Variants in PREX1 observed in about 807,000 individuals in gnomAD.
PREX1 encodes the protein phosphatidylinositol 3,4,5-trisphosphate-dependent Rac exchanger 1 protein.
In PREX1, 41 loss-of-function variants were observed where a neutral mutation model predicts 198.3. That is an observed-to-expected ratio of 0.21 (90% CI 0.16 to 0.27). PREX1 has a LOEUF of 0.27. Ranked by LOEUF, PREX1 falls within the 10% of genes least tolerant of loss-of-function variation. The pLI, the probability that PREX1 is intolerant of heterozygous loss-of-function variation, is 1.00. For missense variants in PREX1, 1,620 were observed against 2,200.7 expected, an observed-to-expected ratio of 0.74 and a Z score of 5.28; for synonymous variants, 843 against 887.2, an observed-to-expected ratio of 0.95 and a Z score of 0.89.
intron 33 of PREX1, among the ~76,000 whole-genome samples, chr20:48,633,243 T>C (rs950431288): frequency 6.6e-6 from 1 of 152,180 alleles, no homozygotes; most frequent in Non-Finnish European, 1.5e-5. Context: ...GAACCTGCCC[T>C]TCATCTAGAC....
chr20:48,664,799 G>A (rs1363806860), intron 15 of PREX1, among the ~76,000 whole-genome samples: 3 of 150,842 alleles, frequency 2.0e-5, no homozygotes, highest in African/African-American at 2.4e-5. Context: ...GGCTCCAGAC[G>A]GCCTGAATTC....
At chr20:48,887,988 A>C in the PREX1 span, among the ~76,000 whole-genome samples, 16 of 152,178 alleles carry the variant, frequency 1.1e-4, no homozygotes, top group Admixed American at 3.9e-4. Flanking sequence ...TAAATAATAA[A>C]ATGCTGGTAT....
chr20:48,745,073 G>A lies in PREX1; in HGVS notation c.366C>T (p.His122=), dbSNP rs55952330. 0.04 allele frequency: 65,067 copies of A among 1,614,044 alleles called. 1,588 individuals carry two copies. Among genetic ancestry groups the A allele is most frequent in the Non-Finnish European group, 0.043 (50,831 of 1,179,946 alleles). Residue 122 remains histidine (H), a synonymous_variant, in exon 3 of 40, where the codon CAC becomes CAT. Coordinates refer to ENST00000371941, the MANE Select transcript of PREX1 (RefSeq NM_020820.4). The stretch of plus-strand genomic sequence containing the variant: ...GTTCATGCTGAGACTGCGGCTCCGG[G>A]TGTAAACAATACTCCAAGGCGGCCA... ...DFLAALEYCL[H]PEPQSQHELG... is the part of the protein sequence containing the mutation.
chr20:48,822,311 T>C, intron 1 of PREX1, among the ~76,000 whole-genome samples: 1 of 152,218 alleles, frequency 6.6e-6, no homozygotes, highest in East Asian at 1.9e-4. Flanking sequence ...ATTTTGCTCA[T>C]GAACACAGCC....
chr20:48,640,315 C>T (rs1454845290), intron 29 of PREX1, among the ~76,000 whole-genome samples: 4 of 152,206 alleles, frequency 2.6e-5, no homozygotes, highest in Non-Finnish European at 4.4e-5. Flanking sequence ...AGGAAGCCCA[C>T]ACACAGAGTG....
chr20:48,744,268 G>A (rs1389904450), intron 3 of PREX1, among the ~76,000 whole-genome samples: 1 of 152,138 alleles, frequency 6.6e-6, no homozygotes, highest in African/African-American at 2.4e-5. Flanking sequence ...CAGCTGAGAA[G>A]CTCTGCTCTA....
rs1401981439 is a variant in PREX1 at position 48,624,790 on chromosome 20, T to C, written c.*1095A>G. On this transcript the variant is annotated 3_prime_UTR_variant, in exon 40 of 40. Coordinates refer to ENST00000371941, the MANE Select transcript of PREX1 (RefSeq NM_020820.4). Reference sequence around the variant, plus strand: ...AAATCACAGAAGCCACCGCCCGGTGTTTCCCAGTGACCCTCTAACCCGTGT... The same window carrying C: ...AAATCACAGAAGCCACCGCCCGGTGCTTCCCAGTGACCCTCTAACCCGTGT... 6.6e-6 allele frequency: 1 copy of C among 152,272 alleles called. No individual in the cohort carries two copies. The highest frequency in any genetic ancestry group is 1.9e-4 in the East Asian group (1 of 5,188). 9.4% of individuals were successfully genotyped at this position (152,272 alleles called of 1,614,324 possible). A position where few individuals can be genotyped will look rare whatever the true frequency, so the allele number is the denominator to read the frequency against.
rs145684419 is a variant in PREX1 at position 48,730,567 on chromosome 20, A to T, written c.519+3979T>A. ...GGGGCCATGACTGGGAATGGGCAAG[A>T]GGGAACCTTCTGGAGTGATGGGAAT... On this transcript the variant is annotated intron_variant, in intron 4 of 39. Coordinates refer to ENST00000371941, the MANE Select transcript of PREX1 (RefSeq NM_020820.4). 5.2e-3 allele frequency among the ~76,000 whole-genome samples: 788 copies of T among 152,132 alleles called. 5 individuals carry two copies. The highest frequency in any genetic ancestry group is 0.01 in the Middle Eastern group (3 of 294).
rs545109922 is a variant in PREX1, at chr20:48,791,460, G to A, written c.219+36182C>T. Among the ~76,000 whole-genome samples, 17 of 152,302 alleles carry A rather than the reference G, an allele frequency of 1.1e-4. No individual in the cohort carries two copies. In the South Asian group the frequency reaches 3.5e-3, roughly 32 times the overall value. ...TGCCCCAAGGTCACCCTGCTGGTGA[G>A]GGGTAAAGTCAAGGACTACAGAATA... is the stretch of plus-strand genomic sequence containing the variant. On this transcript the variant is annotated intron_variant, in intron 1 of 39. Coordinates refer to ENST00000371941, the MANE Select transcript of PREX1 (RefSeq NM_020820.4).
At chr20:48,644,607 T>C (rs1483596049) in intron 26 of PREX1, 110 bp from the exon 27 acceptor site, 2 of 956,318 alleles carry the variant, frequency 2.1e-6, no homozygotes, top group East Asian at 2.7e-5. Context: ...GGCCCTCAGG[T>C]GGGCGTGCAG....
At chr20:48,687,319 C>A (rs2089791152) in intron 10 of PREX1, among the ~76,000 whole-genome samples, 1 of 152,238 alleles carries the variant, frequency 6.6e-6, no homozygotes, top group African/African-American at 2.4e-5. Flanking sequence ...CGGCCCCCTG[C>A]AGCCTGCTCC....
Position 48,693,337 on chromosome 20 carries a change from A to G in PREX1, c.918-547T>C, listed in dbSNP as rs184814132. On this transcript the variant is annotated intron_variant, in intron 7 of 39. Transcript: ENST00000371941. ...AAATTCATGTTATATCCTAACCCCC[A>G]AGGTAATGGTATTAGGAGGTAGGGC... Among the ~76,000 whole-genome samples, 25 of 152,284 alleles carry G rather than the reference A, an allele frequency of 1.6e-4. No individual in the cohort carries two copies. In the East Asian group the frequency reaches 4.6e-3, roughly 28 times the overall value.
chr20:48,639,914 T>A lies in PREX1; in HGVS notation c.3776-20A>T. 1 of 1,613,172 alleles carries A rather than the reference T, an allele frequency of 6.2e-7. No individual in the cohort carries two copies. Among genetic ancestry groups the A allele is most frequent in the South Asian group, 1.1e-5 (1 of 91,034 alleles). ...TAAACTCTGGGGCAGGAAAGTGGCA[T>A]GAGGGCCAGGGAAGGGACGGAGGTA... is the stretch of plus-strand genomic sequence containing the variant. On this transcript the variant is annotated intron_variant, in intron 29 of 39. Transcript: ENST00000371941.
chr20:48,872,027 C>T, the PREX1 span, among the ~76,000 whole-genome samples: 5 of 151,824 alleles, frequency 3.3e-5, no homozygotes, highest in South Asian at 4.2e-4. Flanking sequence ...GGCGTGGTGG[C>T]GGGCACCTGT....
the PREX1 span, among the ~76,000 whole-genome samples, chr20:48,840,394 C>T: frequency 6.6e-6 from 1 of 151,620 alleles, no homozygotes; most frequent in African/African-American, 2.4e-5. Flanking sequence ...TTTCCTAGTG[C>T]TAGACACTGT....
intron 1 of PREX1, among the ~76,000 whole-genome samples, chr20:48,819,668 A>C (rs1286212282): frequency 3.3e-5 from 5 of 152,214 alleles, no homozygotes; most frequent in Admixed American, 6.5e-5. Flanking sequence ...CAGTACCTGG[A>C]ACAGAGCAAG....
At chr20:48,634,830 T>C in intron 32 of PREX1, 55 bp from the exon 33 acceptor site, 2 of 1,510,842 alleles carry the variant, frequency 1.3e-6, no homozygotes, top group East Asian at 4.6e-5. Flanking sequence ...GCCCCAGGGT[T>C]TCCTATCAAG....
At chr20:48,767,757 C>T (rs1601123653) in intron 1 of PREX1, among the ~76,000 whole-genome samples, 1 of 151,996 alleles carries the variant, frequency 6.6e-6, no homozygotes, top group South Asian at 2.1e-4. Flanking sequence ...CAGGCTTTTT[C>T]TTACCTCAGG....
rs537297748 is a variant in PREX1 at position 48,682,450 on chromosome 20, T to A, written c.1335-1115A>T. ...TATTGGCCATCTCCCCCAACCAGAATGTAATGACATGAACAGGGTGTTTTC... is the reference window on the plus strand; with the variant it reads ...TATTGGCCATCTCCCCCAACCAGAAAGTAATGACATGAACAGGGTGTTTTC... On this transcript the variant is annotated intron_variant, in intron 10 of 39. Coordinates refer to ENST00000371941, the MANE Select transcript of PREX1 (RefSeq NM_020820.4). 3.9e-5 allele frequency among the ~76,000 whole-genome samples: 6 copies of A among 152,332 alleles called. No individual in the cohort carries two copies. In the South Asian group the frequency reaches 1.2e-3, roughly 32 times the overall value.
Sources: gnomAD v4.1 joint callset for allele counts (sites outside exome capture counted in the v4.1 genomes callset) on GRCh38, gnomAD v4.1.1 for gene constraint, MANE v1.5 for transcripts, NCBI Gene and HGNC (gene_info 2026-07-23, HGNC 2026-07-21) for gene names.